Variants in BTLA observed in about 807,000 individuals in gnomAD.
BTLA encodes B and T lymphocyte associated.
A neutral mutation model predicts 25.0 loss-of-function variants in BTLA; 11 were observed. The observed-to-expected ratio is 0.44, with a 90% CI of 0.28 to 0.73. The LOEUF is 0.73. Ranked by LOEUF, BTLA falls within the 30% of genes least tolerant of loss-of-function variation. The pLI is 0.15. For missense variants in BTLA, 282 were observed against 332.8 expected, an observed-to-expected ratio of 0.85 and a Z score of 1.19; for synonymous variants, 104 against 119.8, an observed-to-expected ratio of 0.87 and a Z score of 0.86.
chr3:112,466,377 C>T lies in BTLA; in HGVS notation c.601G>A (p.Ala201Thr). ...TCTGTTTGCTCACTCTTAAGGTGAGCATCAACCTACAATAGAAAAAAAGAT... is the reference window on the plus strand; with the variant it reads ...TCTGTTTGCTCACTCTTAAGGTGAGTATCAACCTACAATAGAAAAAAAGAT... ...TAGREINLVD[A>T]HLKSEQTEAS... The change falls in exon 5 of 5, where the codon GCT (alanine) becomes ACT (threonine). Residue 201 changes from alanine to threonine, a missense_variant. By Grantham distance (58) the Ala-to-Thr change is moderately conservative. This residue lies in a region of BTLA where 119 missense variants were observed against 102.3 expected (regional missense o/e 1.16). Coordinates refer to ENST00000334529, the MANE Select transcript of BTLA (RefSeq NM_181780.4). The T allele has an allele frequency of 1.3e-6, 2 of 1,593,734 alleles. No individual in the cohort carries two copies. The highest frequency in any genetic ancestry group is 8.6e-7 in the Non-Finnish European group (1 of 1,167,730).
intron 1 of BTLA, among the ~76,000 whole-genome samples, chr3:112,480,951 T>C (rs1409845482): frequency 1.3e-5 from 2 of 152,214 alleles, no homozygotes; most frequent in African/African-American, 4.8e-5. Context: ...AAGGCACGAT[T>C]CATTATGAAG....
chr3:112,476,489 G>A (rs142617302), intron 2 of BTLA, among the ~76,000 whole-genome samples: 5 of 152,274 alleles, frequency 3.3e-5, no homozygotes, highest in African/African-American at 1.2e-4. Context: ...AGTGAATGAT[G>A]TCCATAAAGG....
intron 1 of BTLA, among the ~76,000 whole-genome samples, chr3:112,498,142 G>A (rs2082420123): frequency 6.6e-6 from 1 of 152,198 alleles, no homozygotes; most frequent in Non-Finnish European, 1.5e-5. Flanking sequence ...CACTGATGAT[G>A]AATAGATAGC....
intron 1 of BTLA, among the ~76,000 whole-genome samples, chr3:112,491,658 T>C (rs575871624): frequency 6.2e-4 from 95 of 152,332 alleles, no homozygotes; most frequent in Non-Finnish European, 1.1e-3. Context: ...CTTAGCACTA[T>C]GCTTGGCACA....
chr3:112,497,044 A>T (rs980459649), intron 1 of BTLA, among the ~76,000 whole-genome samples: 1 of 152,244 alleles, frequency 6.6e-6, no homozygotes, highest in Admixed American at 6.5e-5. Context: ...CATTTTCTGA[A>T]TAATTTGATT....
chr3:112,485,901 A>G (rs2082344672), intron 1 of BTLA, among the ~76,000 whole-genome samples: 1 of 152,228 alleles, frequency 6.6e-6, no homozygotes, highest in African/African-American at 2.4e-5. Context: ...TCACGAGGTC[A>G]GGAGATAGAG....
chr3:112,486,352 A>G (rs2082347979), intron 1 of BTLA, among the ~76,000 whole-genome samples: 1 of 152,230 alleles, frequency 6.6e-6, no homozygotes. Context: ...AAATATTTTC[A>G]GAAATAATCA....
At chr3:112,480,639 G>A (rs890846827) in intron 1 of BTLA, among the ~76,000 whole-genome samples, 1 of 152,126 alleles carries the variant, frequency 6.6e-6, no homozygotes, top group Non-Finnish European at 1.5e-5. Flanking sequence ...CTTTTATCAG[G>A]TGCCTACTCC....
chr3:112,472,719 T>A (rs1042279605), intron 2 of BTLA, among the ~76,000 whole-genome samples: 22 of 152,036 alleles, frequency 1.4e-4, no homozygotes, highest in Non-Finnish European at 4.4e-5. Flanking sequence ...CTATTAATTA[T>A]ATTATAATGT....
chr3:112,484,825 T>C (rs2082337727), intron 1 of BTLA, among the ~76,000 whole-genome samples: 1 of 152,164 alleles, frequency 6.6e-6, no homozygotes, highest in Non-Finnish European at 1.5e-5. Context: ...AGCAGGATAA[T>C]GATCATTGAC....
At chr3:112,467,573 G>C (rs1025349094) in intron 4 of BTLA, among the ~76,000 whole-genome samples, 1 of 152,210 alleles carries the variant, frequency 6.6e-6, no homozygotes, top group Admixed American at 6.5e-5. Flanking sequence ...TCCTCATTGT[G>C]ATGTGTGCAG....
intron 1 of BTLA, among the ~76,000 whole-genome samples, chr3:112,486,964 G>A (rs1401784152): frequency 6.6e-6 from 1 of 152,170 alleles, no homozygotes; most frequent in Non-Finnish European, 1.5e-5. Context: ...GGAGTATGTA[G>A]TACCACAGAG....
chr3:112,469,217 C>T (rs1303385806), intron 4 of BTLA, among the ~76,000 whole-genome samples: 2 of 152,104 alleles, frequency 1.3e-5, no homozygotes, highest in African/African-American at 4.8e-5. Flanking sequence ...TCTGAGTGGT[C>T]CCTTCCTTGA....
At chr3:112,475,531 T>C (rs1003576421) in intron 2 of BTLA, among the ~76,000 whole-genome samples, 10 of 152,226 alleles carry the variant, frequency 6.6e-5, no homozygotes, top group Non-Finnish European at 1.3e-4. Flanking sequence ...TTATGCACTT[T>C]ACAAACTACA....
chr3:112,499,278 G>A lies in BTLA; in HGVS notation c.81C>T (p.Asn27=). The A allele has an allele frequency of 6.2e-7, 1 of 1,602,952 alleles. No individual in the cohort carries two copies. Among genetic ancestry groups the A allele is most frequent in the Middle Eastern group, 1.7e-4 (1 of 6,040 alleles). Residue 27 remains asparagine, a synonymous_variant, in exon 1 of 5, where the codon AAC becomes AAT. Transcript: ENST00000334529. ...CCTAAGCAGGTGCCTTACCATGGAT[G>A]TTCCAGATGTCCAGATATGGGATTA... ...FFLIPYLDIW[N]IHGKESCDVQ...
chr3:112,493,894 T>C (rs1040490436), intron 1 of BTLA, among the ~76,000 whole-genome samples: 1 of 152,102 alleles, frequency 6.6e-6, no homozygotes, highest in Admixed American at 6.5e-5. Context: ...AGGTGGATCA[T>C]GAGGTCAGGA....
At chr3:112,480,724 C>A (rs1294333800) in intron 1 of BTLA, among the ~76,000 whole-genome samples, 1 of 152,206 alleles carries the variant, frequency 6.6e-6, no homozygotes. Context: ...GGTTCCACCT[C>A]ACAAAACTGT....
rs1249749878 is a variant in BTLA, at chr3:112,466,475, G to A, written c.595-92C>T. On this transcript the variant is annotated intron_variant, in intron 4 of 4. Coordinates refer to ENST00000334529, the MANE Select transcript of BTLA (RefSeq NM_181780.4). ...ACTATGAATGAAAAGCTTAAATGGA[G>A]TCATGTCCATTGTGAGAAATAATCT... 3 of 1,175,658 alleles carry A rather than the reference G, an allele frequency of 2.6e-6. No homozygotes were observed. In the African/African-American group the frequency reaches 4.6e-5, roughly 18 times the overall value. The allele number at this position is 1,175,658 out of a possible 1,614,324, so 72.8% of individuals were successfully genotyped here. A position where few individuals can be genotyped will look rare whatever the true frequency, so the allele number is the denominator to read the frequency against.
At position 112,469,640 on chromosome 3, in the gene BTLA, TATATATATAG is replaced by T. The variant is rs1432034072; in HGVS notation, c.594+108_594+117del. The T allele has an allele frequency of 2.7e-5, 5 of 186,294 alleles. No homozygotes were observed. In the East Asian group the frequency reaches 5.5e-4, roughly 20 times the overall value. The allele number at this position is 186,294 out of a possible 1,614,324, so 11.5% of individuals were successfully genotyped here. ...ATATATATATATATATATATATATA[TATATATATAG>T]TACATAGAATAATGCCTGGCACATG... On this transcript the variant is annotated intron_variant, in intron 4 of 4. Coordinates refer to ENST00000334529, the MANE Select transcript of BTLA (RefSeq NM_181780.4).
Sources: gnomAD v4.1 joint callset for allele counts (sites outside exome capture counted in the v4.1 genomes callset) on GRCh38, gnomAD v4.1.1 for gene constraint, gnomAD v4.1.1 regional missense constraint, MANE v1.5 for transcripts, NCBI Gene and HGNC (gene_info 2026-07-23, HGNC 2026-07-21) for gene names.